Variants in SPHKAP observed in about 807,000 individuals in gnomAD.
SPHKAP encodes the protein A-kinase anchor protein SPHKAP.
Under a neutral mutation model 137.5 loss-of-function variants are expected in SPHKAP, and 67 were observed. The observed-to-expected ratio is 0.49, with a 90% confidence interval of 0.40 to 0.60. The LOEUF (loss-of-function observed/expected upper bound fraction) is 0.60. Among genes scored for constraint, SPHKAP ranks in the 20% least tolerant of loss-of-function variants. The probability of loss-of-function intolerance (pLI) is 0.00; values close to 1 mark genes in which losing one functional copy is unlikely to be tolerated. For missense variants in SPHKAP, 2,097 were observed against 2,069.3 expected (o/e 1.01, Z -0.26); for synonymous variants, 813 against 785.3 (o/e 1.04, Z -0.59).
intron 8 of SPHKAP, among the ~76,000 whole-genome samples, chr2:227,995,204 A>G (rs1277956365): frequency 2.0e-5 from 3 of 152,222 alleles, no homozygotes; most frequent in Non-Finnish European, 4.4e-5. Context: ...CACCAGGTGT[A>G]AAAGCAGCTC....
intron 2 of SPHKAP, among the ~76,000 whole-genome samples, chr2:228,129,616 T>C (rs529625112): frequency 2.6e-5 from 4 of 152,092 alleles, no homozygotes; most frequent in Non-Finnish European, 5.9e-5. Flanking sequence ...AATTTCCCAG[T>C]AGTTATTCCA....
At chr2:228,054,854 A>C (rs1696380190) in intron 3 of SPHKAP, among the ~76,000 whole-genome samples, 1 of 56,034 alleles carries the variant, frequency 1.8e-5, no homozygotes, top group African/African-American at 8.3e-5. Context: ...GATGGAGTGA[A>C]AACTTATGAT....
At chr2:228,113,583 C>T (rs936499669) in intron 2 of SPHKAP, among the ~76,000 whole-genome samples, 1 of 149,284 alleles carries the variant, frequency 6.7e-6, no homozygotes, top group African/African-American at 2.5e-5. Flanking sequence ...TCTACCAAAT[C>T]CCAGTCTATG....
intron 3 of SPHKAP, among the ~76,000 whole-genome samples, chr2:228,038,716 A>G (rs541608945): frequency 1.3e-5 from 2 of 152,318 alleles, no homozygotes; most frequent in Admixed American, 1.3e-4. Context: ...GGCCCTGTCC[A>G]TCACTGGATT....
chr2:228,039,075 C>G (rs1695741990), intron 3 of SPHKAP, among the ~76,000 whole-genome samples: 1 of 152,196 alleles, frequency 6.6e-6, no homozygotes, highest in Non-Finnish European at 1.5e-5. Flanking sequence ...AAGGTGCTAA[C>G]ATTTTTCTTG....
At position 227,991,036 on chromosome 2, in the gene SPHKAP, G is replaced by A; in HGVS notation, c.4923C>T (p.Ile1641=). Residue 1641 remains isoleucine, a synonymous_variant, in exon 11 of 12, where the codon ATC becomes ATT. Coordinates refer to ENST00000392056, the MANE Select transcript of SPHKAP (RefSeq NM_001142644.2). ...TGTTTTCCTGAGATTTCTTAAAGTA[G>A]ATGGTGGGAATCCCCAGTTCAGAGG... The part of the protein sequence containing the change: ...IAASELGIPT[I]YFKKSQENRI... 6.2e-7 allele frequency: 1 copy of A among 1,614,162 alleles called. No individual in the cohort carries two copies. Among genetic ancestry groups the A allele is most frequent in the Non-Finnish European group, 8.5e-7 (1 of 1,180,024 alleles).
At chr2:228,056,756 T>C (rs1696461690) in intron 3 of SPHKAP, among the ~76,000 whole-genome samples, 1 of 152,184 alleles carries the variant, frequency 6.6e-6, no homozygotes, top group Admixed American at 6.5e-5. Flanking sequence ...AAAGTATGGA[T>C]AGATAGAATT....
intron 7 of SPHKAP, chr2:227,995,939 A>C: frequency 5.1e-6 from 5 of 984,766 alleles, no homozygotes; most frequent in Non-Finnish European, 6.0e-6. Context: ...ATCATTTGAA[A>C]AACAGGTTGA....
At position 228,080,543 on chromosome 2, in the gene SPHKAP, TAA is replaced by T. The variant is rs563263637; in HGVS notation, c.246+28287_246+28288del. ...CCAACATGGCAAACCCCATCTCTAC[TAA>T]AAGTACAAAAAATTAGCTGGGCATG... is the stretch of plus-strand genomic sequence containing the variant. On this transcript the variant is annotated intron_variant, in intron 3 of 11. Coordinates refer to ENST00000392056, the MANE Select transcript of SPHKAP (RefSeq NM_001142644.2). Among the ~76,000 whole-genome samples, 322 of 152,014 alleles carry T rather than the reference TAA, an allele frequency of 2.1e-3. 2 individuals are homozygous for T. The highest frequency in any genetic ancestry group is 7.5e-3 in the African/African-American group (313 of 41,480).
intron 11 of SPHKAP, among the ~76,000 whole-genome samples, chr2:227,987,856 A>C (rs939371359): frequency 1.3e-5 from 2 of 152,194 alleles, no homozygotes; most frequent in African/African-American, 4.8e-5. Flanking sequence ...CACATAGACT[A>C]ATTAGCCCAA....
intron 3 of SPHKAP, among the ~76,000 whole-genome samples, chr2:228,096,888 T>C (rs990270462): frequency 1.3e-5 from 2 of 152,172 alleles, no homozygotes; most frequent in African/African-American, 4.8e-5. Context: ...CTGGAGTCTC[T>C]AAACTAAAAA....
At chr2:228,161,998 C>A (rs1700289217) in intron 1 of SPHKAP, among the ~76,000 whole-genome samples, 2 of 152,144 alleles carry the variant, frequency 1.3e-5, no homozygotes, top group African/African-American at 4.8e-5. Context: ...AATTTATTAA[C>A]AAAATAATCA....
At chr2:228,045,126 A>G (rs1695989977) in intron 3 of SPHKAP, among the ~76,000 whole-genome samples, 2 of 151,698 alleles carry the variant, frequency 1.3e-5, no homozygotes, top group Admixed American at 1.3e-4. Context: ...GTGGAGAAAT[A>G]GGAACACTTT....
At chr2:228,007,364 T>C (rs1284919766) in intron 7 of SPHKAP, among the ~76,000 whole-genome samples, 1 of 152,184 alleles carries the variant, frequency 6.6e-6, no homozygotes, top group Non-Finnish European at 1.5e-5. Context: ...AGATATATCA[T>C]ACATTATTAT....
intron 3 of SPHKAP, among the ~76,000 whole-genome samples, chr2:228,094,354 A>G (rs1319669551): frequency 6.6e-6 from 1 of 152,166 alleles, no homozygotes; most frequent in Non-Finnish European, 1.5e-5. Context: ...TCACCTGAAA[A>G]ATGAGTAGAA....
chr2:228,138,808 T>C (rs1699508886), intron 1 of SPHKAP, among the ~76,000 whole-genome samples: 2 of 152,226 alleles, frequency 1.3e-5, no homozygotes, highest in South Asian at 4.1e-4. Flanking sequence ...CCCCTTATAG[T>C]TCTGCTTTAA....
intron 3 of SPHKAP, among the ~76,000 whole-genome samples, chr2:228,056,516 G>T (rs1175389161): frequency 3.3e-5 from 5 of 151,292 alleles, no homozygotes; most frequent in Non-Finnish European, 7.4e-5. Flanking sequence ...CATTCTTTCT[G>T]ACTTGAGAGG....
chr2:228,098,846 G>A (rs556268079), intron 3 of SPHKAP, among the ~76,000 whole-genome samples: 27 of 149,882 alleles, frequency 1.8e-4, no homozygotes, highest in Admixed American at 1.3e-3. Context: ...TTAACGGGGT[G>A]GTTTTTTGCT....
intron 9 of SPHKAP, among the ~76,000 whole-genome samples, chr2:227,993,277 T>G (rs914299398): frequency 3.3e-5 from 5 of 152,200 alleles, no homozygotes; most frequent in Non-Finnish European, 5.9e-5. Context: ...GTAGGTAAAA[T>G]GACATACACT....
Sources: gnomAD v4.1 joint callset for allele counts (sites outside exome capture counted in the v4.1 genomes callset) on GRCh38, gnomAD v4.1.1 for gene constraint, MANE v1.5 for transcripts, NCBI Gene and HGNC (gene_info 2026-07-23, HGNC 2026-07-21) for gene names.